The following ZC3H3 variants were observed in gnomAD, a reference collection of about 807,000 sequenced individuals.
The protein encoded by ZC3H3 is zinc finger CCCH domain-containing protein 3.
A neutral mutation model predicts 77.3 loss-of-function variants in ZC3H3; 36 were observed. The ratio of observed to expected loss-of-function variants is 0.47; its 90% confidence interval spans 0.36 to 0.61. ZC3H3 has a LOEUF of 0.61. Among genes scored for constraint, ZC3H3 ranks in the 20% least tolerant of loss-of-function variants. The probability of loss-of-function intolerance (pLI) is 0.00; values close to 1 mark genes in which losing one functional copy is unlikely to be tolerated. For synonymous variants in ZC3H3, 626 were observed against 555.2 expected, an observed-to-expected ratio of 1.13 and a Z score of -1.79; for missense variants, 1,331 against 1,312.2, an observed-to-expected ratio of 1.01 and a Z score of -0.22.
At chr8:143,537,963 C>T (rs1390901452) in intron 2 of ZC3H3, 40 bp downstream of exon 2, 1 of 1,535,294 alleles carries the variant, frequency 6.5e-7, no homozygotes, top group South Asian at 1.3e-5. Context: ...ACCCTCCTCA[C>T]AGCCCCTCAC....
chr8:143,451,310 C>T (rs182341730), intron 9 of ZC3H3, among the ~76,000 whole-genome samples: 1 of 152,152 alleles, frequency 6.6e-6, no homozygotes, highest in Non-Finnish European at 1.5e-5. Context: ...AAACCAAAAG[C>T]TGGTTGTCTG....
In ZC3H3 at chr8:143,538,513, G is replaced by T. The variant is rs202188199; in HGVS notation, c.854C>A (p.Pro285Gln). 21 of 1,612,376 alleles carry T rather than the reference G, an allele frequency of 1.3e-5. No individual in the cohort carries two copies. Among genetic ancestry groups the T allele is most frequent in the Middle Eastern group, 1.6e-4 (1 of 6,084 alleles). Residue 285 changes from proline (P) to glutamine (Q), a missense_variant, in exon 2 of 12, where the codon CCG (proline) becomes CAG (glutamine). Physicochemically the swap from Pro to Gln is moderately conservative, Grantham distance 76. Coordinates refer to ENST00000262577, the MANE Select transcript of ZC3H3 (RefSeq NM_015117.3). ...CCGGGCCTGCCTGGGTCCTGAGGCC[G>T]GTCTGGCGGGGCCCCCCACTGAGCC... ...PSGSVGGPAR[P>Q]ASGPRQAREA...
intron 3 of ZC3H3, among the ~76,000 whole-genome samples, chr8:143,528,122 C>A (rs185258069): frequency 2.2e-4 from 34 of 152,296 alleles, no homozygotes; most frequent in Admixed American, 2.1e-3. Flanking sequence ...TGGCACCCTC[C>A]CCCACTGCCA....
chr8:143,485,981 T>C (rs1238037175), intron 4 of ZC3H3, among the ~76,000 whole-genome samples: 1 of 152,262 alleles, frequency 6.6e-6, no homozygotes, highest in African/African-American at 2.4e-5. Context: ...GCTCACATGC[T>C]GCTGCTGGCA....
At chr8:143,449,950 T>A (rs2129812502) in intron 9 of ZC3H3, among the ~76,000 whole-genome samples, 1 of 152,278 alleles carries the variant, frequency 6.6e-6, no homozygotes, top group South Asian at 2.1e-4. Context: ...ACTGTCCATA[T>A]CACTCTGAGC....
chr8:143,537,843 C>A (rs941557946), intron 2 of ZC3H3, among the ~76,000 whole-genome samples, 160 bp downstream of exon 2: 3 of 152,266 alleles, frequency 2.0e-5, no homozygotes. Flanking sequence ...CGGCCCCAGG[C>A]AAGCCCAAAC....
Position 143,460,527 on chromosome 8 carries a change from A to G in ZC3H3, c.2307+5190T>C, listed in dbSNP as rs1219227678. 1.3e-5 allele frequency among the ~76,000 whole-genome samples: 2 copies of G among 152,268 alleles called. No individual in the cohort carries two copies. The highest frequency in any genetic ancestry group is 2.1e-4 in the South Asian group (1 of 4,820). ...GCCGATTCCTCAGAAAGCTAAACAC[A>G]GAATTACTCAGACTCCAGCAATTCC... On this transcript the variant is annotated intron_variant, in intron 9 of 11. Transcript: ENST00000262577. The surrounding 1 kb of genome is among the most constrained non-coding windows in gnomAD (Gnocchi z 4.0).
chr8:143,506,352 C>T (rs576928629), intron 4 of ZC3H3, among the ~76,000 whole-genome samples: 2 of 152,298 alleles, frequency 1.3e-5, no homozygotes, highest in South Asian at 2.1e-4. Flanking sequence ...ACCTCATTCC[C>T]GATGATCCGG....
intron 9 of ZC3H3, among the ~76,000 whole-genome samples, chr8:143,448,429 G>C (rs1190485149): frequency 6.6e-6 from 1 of 152,188 alleles, no homozygotes; most frequent in Non-Finnish European, 1.5e-5. Flanking sequence ...ATTTCAAAAG[G>C]GAGAAATCAG....
intron 4 of ZC3H3, among the ~76,000 whole-genome samples, chr8:143,476,398 C>T (rs375672110): frequency 4.6e-5 from 7 of 152,136 alleles, no homozygotes; most frequent in South Asian, 2.1e-4. Context: ...AGACCTAGGC[C>T]GACAGACCCT....
At chr8:143,497,426 G>T (rs1821383437) in intron 4 of ZC3H3, among the ~76,000 whole-genome samples, 3 of 152,160 alleles carry the variant, frequency 2.0e-5, no homozygotes, top group South Asian at 4.1e-4. Flanking sequence ...GCCCCCGAAG[G>T]TGCAGCCATA....
intron 3 of ZC3H3, among the ~76,000 whole-genome samples, chr8:143,512,390 T>C (rs185230646): frequency 2.0e-5 from 3 of 152,372 alleles, no homozygotes; most frequent in African/African-American, 7.2e-5. Flanking sequence ...CTTGCACGCC[T>C]GCAAACCTAC....
At chr8:143,519,142 C>T (rs76495413) in intron 3 of ZC3H3, among the ~76,000 whole-genome samples, 2,806 of 152,274 alleles carry the variant, frequency 0.018, 78 homozygotes, top group African/African-American at 0.064. Context: ...GGGGTAGCAG[C>T]GAGTGTGCTG....
intron 8 of ZC3H3, among the ~76,000 whole-genome samples, chr8:143,466,722 GC>G (rs1032222825): frequency 1.3e-5 from 2 of 152,120 alleles, no homozygotes; most frequent in African/African-American, 4.8e-5. Context: ...CCCCCACAGA[GC>G]CCCTGCCAGC....
intron 9 of ZC3H3, among the ~76,000 whole-genome samples, chr8:143,447,415 A>C (rs1819886886): frequency 6.6e-6 from 1 of 152,192 alleles, no homozygotes; most frequent in Non-Finnish European, 1.5e-5. Flanking sequence ...CAGTGACTTC[A>C]TGGAATGTAG....
Position 143,444,657 on chromosome 8 carries a change from A to ATTTTTTTT in ZC3H3, c.2308-3538_2308-3537insAAAAAAAA, listed in dbSNP as rs1819822848. The stretch of plus-strand genomic sequence containing the variant: ...AGATATGAAATAAGTATTTAATAAA[A>ATTTTTTTT]TTCAACAGTTTTTTAAAAAGAAACA... On this transcript the variant is annotated intron_variant, in intron 9 of 11. Coordinates refer to ENST00000262577, the MANE Select transcript of ZC3H3 (RefSeq NM_015117.3). 2.6e-5 allele frequency among the ~76,000 whole-genome samples: 4 copies of ATTTTTTTT among 152,270 alleles called. No individual in the cohort carries two copies. In the South Asian group the frequency reaches 6.2e-4, roughly 24 times the overall value.
rs1297982950 is a variant in ZC3H3, at chr8:143,514,053, G to A, written c.1562-6154C>T. Among the ~76,000 whole-genome samples, 2 of 152,170 alleles carry A rather than the reference G, an allele frequency of 1.3e-5. 1 individual carries two copies. Among genetic ancestry groups the A allele is most frequent in the South Asian group, 4.1e-4 (2 of 4,826 alleles). ...AGAGTCGCCACCTTGGTAGCCTGGT[G>A]CTCACCCCTGGCACTTCCACACGCT... On this transcript the variant is annotated intron_variant, in intron 3 of 11. Transcript: ENST00000262577.
At chr8:143,509,726 G>A (rs1821813861) in intron 3 of ZC3H3, among the ~76,000 whole-genome samples, 1 of 152,184 alleles carries the variant, frequency 6.6e-6, no homozygotes, top group East Asian at 1.9e-4. Flanking sequence ...CAAGGCAGGA[G>A]GGACACTGGG....
chr8:143,475,380 C>A lies in ZC3H3; in HGVS notation c.1903+18G>T, dbSNP rs374715371. The A allele has an allele frequency of 1.1e-5, 18 of 1,607,204 alleles. No homozygotes were observed. The highest frequency in any genetic ancestry group is 1.7e-4 in the Middle Eastern group (1 of 6,002). ...CCGGTCGGTGTCATCTCCCAGCGCC[C>A]CCGCCCTCACCTCTCACCTGTGCGC... On this transcript the variant is annotated intron_variant, in intron 5 of 11. Coordinates refer to ENST00000262577, the MANE Select transcript of ZC3H3 (RefSeq NM_015117.3).
Sources: allele counts gnomAD v4.1 joint callset (sites outside exome capture counted in the v4.1 genomes callset), GRCh38; gene constraint gnomAD v4.1.1; non-coding constraint Gnocchi (gnomAD v3.1); transcripts MANE v1.5; gene names NCBI Gene and HGNC (gene_info 2026-07-23, HGNC 2026-07-21).